C10orf90: variants seen among roughly 807,000 people sequenced by gnomAD.
C10orf90 encodes chromosome 10 open reading frame 90, also known as (E2-independent) E3 ubiquitin-conjugating enzyme FATS.
A neutral mutation model predicts 62.5 loss-of-function variants in C10orf90; 56 were observed. That is an observed-to-expected ratio of 0.90 (90% CI 0.72 to 1.12). The LOEUF (loss-of-function observed/expected upper bound fraction) is 1.12. Among genes scored for constraint, C10orf90 ranks in the 50% most tolerant of loss-of-function variants. The pLI, the probability that C10orf90 is intolerant of heterozygous loss-of-function variation, is 0.00. For synonymous variants in C10orf90, 386 were observed against 340.4 expected (o/e 1.13, Z -1.47); for missense variants, 970 against 880.4 (o/e 1.10, Z -1.29).
intron 2 of C10orf90, among the ~76,000 whole-genome samples, chr10:126,633,156 G>A (rs1845883056): frequency 1.3e-5 from 2 of 152,206 alleles, no homozygotes; most frequent in Non-Finnish European, 2.9e-5. Flanking sequence ...CTGCCTGGAA[G>A]GGGGTGATGT....
chr10:126,663,165 A>G (rs1021927349), intron 1 of C10orf90, among the ~76,000 whole-genome samples: 4 of 152,228 alleles, frequency 2.6e-5, no homozygotes, highest in African/African-American at 9.6e-5. Flanking sequence ...GGAAGTTATC[A>G]GTGAGAAAGC....
At chr10:126,601,526 G>T (rs1723936138) in intron 2 of C10orf90, among the ~76,000 whole-genome samples, 1 of 152,078 alleles carries the variant, frequency 6.6e-6, no homozygotes, top group South Asian at 2.1e-4. Flanking sequence ...TTTCCCCAAA[G>T]CATCTTATAT....
Position 126,502,114 on chromosome 10 carries a change from C to G in C10orf90, c.1534+1843G>C, listed in dbSNP as rs531013590. ...CAACCACACACACACCACACACACA[C>G]ACACCACACACACACAACACACACA... On this transcript the variant is annotated intron_variant, in intron 4 of 9. Coordinates refer to ENST00000488181, the MANE Select transcript of C10orf90 (RefSeq NM_001350921.2). Among the ~76,000 whole-genome samples the G allele has an allele frequency of 2.6e-5, 4 of 151,106 alleles. No individual in the cohort carries two copies. In the East Asian group the frequency reaches 7.8e-4, roughly 29 times the overall value.
At chr10:126,601,749 T>G (rs938497935) in intron 2 of C10orf90, among the ~76,000 whole-genome samples, 2 of 152,242 alleles carry the variant, frequency 1.3e-5, no homozygotes, top group South Asian at 4.1e-4. Context: ...AACCAGCAAG[T>G]AGCCCTCCTA....
At chr10:126,564,965 T>TATATATA (rs1844289890) in intron 2 of C10orf90, among the ~76,000 whole-genome samples, 1 of 21,928 alleles carries the variant, frequency 4.6e-5, no homozygotes, top group Non-Finnish European at 7.1e-5. Context: ...AAATATAAAA[T>TATATATA]ATATATAATA....
At chr10:126,454,257 A>AG (rs1859391748) in intron 7 of C10orf90, among the ~76,000 whole-genome samples, 2 of 151,434 alleles carry the variant, frequency 1.3e-5, no homozygotes, top group African/African-American at 4.9e-5. Flanking sequence ...TATGACTTGC[A>AG]GAAGATGTAT....
At chr10:126,497,410 C>T (rs751393247) in intron 4 of C10orf90, among the ~76,000 whole-genome samples, 54 of 152,148 alleles carry the variant, frequency 3.5e-4, no homozygotes, top group Admixed American at 2.6e-4. Context: ...GAGCAAACAA[C>T]GCAAGGAGGC....
chr10:126,449,988 A>G (rs946244056), intron 7 of C10orf90, among the ~76,000 whole-genome samples: 4 of 130,446 alleles, frequency 3.1e-5, no homozygotes, highest in African/African-American at 1.2e-4. Context: ...CAGAGACGCC[A>G]TCTCAAAAAA....
intron 2 of C10orf90, among the ~76,000 whole-genome samples, chr10:126,613,348 C>T (rs1440868930): frequency 6.6e-6 from 1 of 152,198 alleles, no homozygotes; most frequent in East Asian, 1.9e-4. Context: ...AATCCTCCCC[C>T]ACCTCAGTCT....
At chr10:126,643,459 C>T (rs76896315) in intron 2 of C10orf90, among the ~76,000 whole-genome samples, 4,062 of 152,258 alleles carry the variant, frequency 0.027, 197 homozygotes, top group African/African-American at 0.093. Context: ...CATGCCTGGC[C>T]CACGGATTCC....
chr10:126,436,179 C>T (rs762874035), intron 7 of C10orf90, among the ~76,000 whole-genome samples: 6 of 152,140 alleles, frequency 3.9e-5, no homozygotes, highest in Admixed American at 6.5e-5. Flanking sequence ...CAGACTCTTA[C>T]CCAAGACCAG....
intron 2 of C10orf90, among the ~76,000 whole-genome samples, chr10:126,616,383 A>G (rs1845541696): frequency 6.6e-6 from 1 of 152,194 alleles, no homozygotes; most frequent in African/African-American, 2.4e-5. Flanking sequence ...ATAAAGGTAG[A>G]AGGTAAGAGA....
chr10:126,640,148 C>CT, intron 2 of C10orf90, among the ~76,000 whole-genome samples: 1 of 152,328 alleles, frequency 6.6e-6, no homozygotes. Context: ...GCAATGCTGC[C>CT]TTTTTCCACC....
chr10:126,468,250 G>C (rs1860395214), intron 4 of C10orf90, among the ~76,000 whole-genome samples: 1 of 152,060 alleles, frequency 6.6e-6, no homozygotes, highest in Admixed American at 6.6e-5. Context: ...TGTATTTTTA[G>C]TGGAGACGAG....
intron 2 of C10orf90, among the ~76,000 whole-genome samples, chr10:126,599,412 G>A (rs916848471): frequency 6.6e-6 from 1 of 151,588 alleles, no homozygotes; most frequent in Non-Finnish European, 1.5e-5. Context: ...GTGTTAGCCA[G>A]GATGGTCTCA....
At chr10:126,611,226 G>A (rs969388858) in intron 2 of C10orf90, among the ~76,000 whole-genome samples, 14 of 152,110 alleles carry the variant, frequency 9.2e-5, no homozygotes, top group South Asian at 4.1e-4. Context: ...TGGACATTTC[G>A]TATAAATGGA....
chr10:126,661,678 T>C (rs889261464), intron 1 of C10orf90, among the ~76,000 whole-genome samples: 1 of 152,122 alleles, frequency 6.6e-6, no homozygotes, highest in Non-Finnish European at 1.5e-5. Context: ...CTCTTTTTTT[T>C]TTTTTCTCTC....
Position 126,504,942 on chromosome 10 carries a change from T to C in C10orf90, c.549A>G (p.Gln183=). The part of the protein sequence containing the change: ...IAQSRAHHAK[Q]SLANRSGVNI... ...TGACTCCGCTGCGGTTAGCCAGAGATTGCTTGGCGTGATGTGCACGAGACT... is the reference window on the plus strand; with the variant it reads ...TGACTCCGCTGCGGTTAGCCAGAGACTGCTTGGCGTGATGTGCACGAGACT... Residue 183 remains glutamine (Q), a synonymous_variant, in exon 4 of 10, where the codon CAA becomes CAG. Transcript: ENST00000488181. This position sits in a 1 kb window ranked among gnomAD's most constrained non-coding sequence, Gnocchi z 4.1. 2 of 1,614,172 alleles carry C rather than the reference T, an allele frequency of 1.2e-6. No homozygotes were observed. The highest frequency in any genetic ancestry group is 1.7e-6 in the Non-Finnish European group (2 of 1,180,024).
chr10:126,484,458 A>G (rs539595983), intron 4 of C10orf90, among the ~76,000 whole-genome samples: 1 of 152,342 alleles, frequency 6.6e-6, no homozygotes, highest in African/African-American at 2.4e-5. Flanking sequence ...AGTAGGAAAT[A>G]TACATGGCCA....
Sources: allele counts gnomAD v4.1 joint callset (sites outside exome capture counted in the v4.1 genomes callset), GRCh38; gene constraint gnomAD v4.1.1; non-coding constraint Gnocchi (gnomAD v3.1); transcripts MANE v1.5; gene names NCBI Gene and HGNC (gene_info 2026-07-23, HGNC 2026-07-21).